Variants in CD2AP observed in about 807,000 individuals in gnomAD.
CD2AP encodes CD2-associated protein.
A neutral mutation model predicts 85.1 loss-of-function variants in CD2AP; 46 were observed. That is an observed-to-expected ratio of 0.54 (90% CI 0.43 to 0.69). The LOEUF is 0.69. Among genes scored for constraint, CD2AP ranks in the 30% least tolerant of loss-of-function variants. The pLI is 0.00. For missense variants in CD2AP, 769 were observed against 729.5 expected (o/e 1.05, Z -0.62); for synonymous variants, 255 against 252.9 (o/e 1.01, Z -0.08).
chr6:47,603,773 C>G (rs1028079951), intron 13 of CD2AP, among the ~76,000 whole-genome samples: 1 of 151,906 alleles, frequency 6.6e-6, no homozygotes. Flanking sequence ...TGTTTCCTAG[C>G]CTGTTTGCCA....
At chr6:47,478,329 G>A in intron 1 of CD2AP, 81 bp downstream of exon 1, 12 of 1,509,240 alleles carry the variant, frequency 8.0e-6, no homozygotes, top group Non-Finnish European at 1.1e-5. Context: ...GCCTTCTGGG[G>A]AGGCGACTGC....
At chr6:47,616,659 T>G (rs1769594773) in intron 17 of CD2AP, among the ~76,000 whole-genome samples, 1 of 152,254 alleles carries the variant, frequency 6.6e-6, no homozygotes, top group Non-Finnish European at 1.5e-5. Flanking sequence ...TAGGTCTAGC[T>G]GCCTTCTTGA....
intron 2 of CD2AP, among the ~76,000 whole-genome samples, chr6:47,529,318 C>T (rs1582519258): frequency 2.6e-5 from 4 of 151,972 alleles, no homozygotes; most frequent in Admixed American, 2.6e-4. Context: ...GCTGGGGCCA[C>T]TGTCTGTGGA....
intron 3 of CD2AP, 82 bp from the exon 4 acceptor site, chr6:47,544,524 G>A (rs928277139): frequency 1.1e-4 from 100 of 881,318 alleles, no homozygotes; most frequent in Admixed American, 2.1e-4. Flanking sequence ...TATAAGTCCT[G>A]TGACTAAACA....
intron 17 of CD2AP, among the ~76,000 whole-genome samples, chr6:47,623,260 T>C (rs773639381): frequency 1.5e-4 from 23 of 152,230 alleles, no homozygotes; most frequent in Non-Finnish European, 3.1e-4. Context: ...TAATGTGCTG[T>C]TTGTCGAAGC....
At chr6:47,535,065 G>A (rs925693907) in intron 3 of CD2AP, among the ~76,000 whole-genome samples, 16 of 152,092 alleles carry the variant, frequency 1.1e-4, no homozygotes, top group African/African-American at 3.6e-4. Context: ...CCAAAGTGCT[G>A]GAATTACAGA....
chr6:47,494,304 G>A (rs960176852), intron 1 of CD2AP, among the ~76,000 whole-genome samples: 7 of 152,066 alleles, frequency 4.6e-5, no homozygotes, highest in Non-Finnish European at 1.0e-4. Flanking sequence ...GCTTTCTTTG[G>A]GTTTCCCTAA....
At chr6:47,490,579 T>C (rs945819752) in intron 1 of CD2AP, among the ~76,000 whole-genome samples, 3 of 152,204 alleles carry the variant, frequency 2.0e-5, no homozygotes, top group Non-Finnish European at 4.4e-5. Context: ...GACAAGTGAT[T>C]AATCACATGT....
rs561008202 is a variant in CD2AP at position 47,624,335 on chromosome 6, T to C, written c.*108T>C. 2.4e-6 allele frequency: 2 copies of C among 840,514 alleles called. No individual in the cohort carries two copies. The highest frequency in any genetic ancestry group is 3.8e-5 in the Admixed American group (2 of 52,794). 52.1% of individuals were successfully genotyped at this position (840,514 alleles called of 1,614,324 possible). A position where few individuals can be genotyped will look rare whatever the true frequency, so the allele number is the denominator to read the frequency against. ...GTGAATTCTGTTGTTGTGATAAATATGAGCAAATGAAGTGTAATATCTATA... is the reference window on the plus strand; with the variant it reads ...GTGAATTCTGTTGTTGTGATAAATACGAGCAAATGAAGTGTAATATCTATA... On this transcript the variant is annotated 3_prime_UTR_variant, in exon 18 of 18. Coordinates refer to ENST00000359314, the MANE Select transcript of CD2AP (RefSeq NM_012120.3).
In CD2AP at chr6:47,610,971, A is replaced by ATATATATATATATATATATAT; in HGVS notation, c.1815-1501_1815-1500insATATATATATATATATATATT. Reference sequence around the variant, plus strand: ...GATTTATATATATATATATATATGTATTTTTTTTTTTTTTTGAATATAAAA... The same window carrying ATATATATATATATATATATAT: ...GATTTATATATATATATATATATGTATATATATATATATATATATATTTTTTTTTTTTTTTTGAATATAAAA... On this transcript the variant is annotated intron_variant, in intron 16 of 17. Coordinates refer to ENST00000359314, the MANE Select transcript of CD2AP (RefSeq NM_012120.3). Among the ~76,000 whole-genome samples the ATATATATATATATATATATAT allele has an allele frequency of 1.6e-3, 177 of 112,792 alleles. 2 individuals carry two copies. Among genetic ancestry groups the ATATATATATATATATATATAT allele is most frequent in the African/African-American group, 2.7e-3 (74 of 27,814 alleles). 74.0% of individuals were successfully genotyped at this position (112,792 alleles called of 152,430 possible).
At chr6:47,543,148 C>CAAAAAAAAAAAAAAAAAAAAAAAA (rs11338409) in intron 3 of CD2AP, among the ~76,000 whole-genome samples, 5 of 60,320 alleles carry the variant, frequency 8.3e-5, no homozygotes, top group African/African-American at 2.8e-4. Flanking sequence ...AAGACTGTCT[C>CAAAAAAAAAAAAAAAAAAAAAAAA]AAAAAAAAAA....
chr6:47,571,673 A>G (rs1156925296), intron 5 of CD2AP, among the ~76,000 whole-genome samples: 1 of 152,154 alleles, frequency 6.6e-6, no homozygotes, highest in African/African-American at 2.4e-5. Flanking sequence ...CAGAGACTGA[A>G]CATGAGCAGC....
chr6:47,580,018 T>C (rs1768430290), intron 9 of CD2AP: 1 of 158,732 alleles, frequency 6.3e-6, no homozygotes, highest in Non-Finnish European at 1.4e-5. Context: ...AGGAATATAA[T>C]AGAGTTTTTA....
At chr6:47,491,047 G>A (rs969777637) in intron 1 of CD2AP, among the ~76,000 whole-genome samples, 1 of 152,026 alleles carries the variant, frequency 6.6e-6, no homozygotes, top group Non-Finnish European at 1.5e-5. Flanking sequence ...TTTGACTAAT[G>A]GATCTGGTAC....
intron 2 of CD2AP, among the ~76,000 whole-genome samples, chr6:47,505,011 CTTTTTTTT>C (rs58060161): frequency 3.2e-5 from 3 of 95,114 alleles, no homozygotes; most frequent in African/African-American, 1.3e-4. Flanking sequence ...GTGGCAGTTT[CTTTTTTTT>C]TTTTTTTTTT....
At chr6:47,534,188 T>G (rs1766966262) in intron 3 of CD2AP, among the ~76,000 whole-genome samples, 1 of 152,194 alleles carries the variant, frequency 6.6e-6, no homozygotes, top group South Asian at 2.1e-4. Flanking sequence ...TGTAAGGATT[T>G]GGTACTGTGT....
At chr6:47,501,462 G>A (rs1765994441) in intron 1 of CD2AP, among the ~76,000 whole-genome samples, 1 of 152,192 alleles carries the variant, frequency 6.6e-6, no homozygotes, top group African/African-American at 2.4e-5. Flanking sequence ...TAGTGAATAT[G>A]TAACTCCCTG....
intron 3 of CD2AP, among the ~76,000 whole-genome samples, chr6:47,543,179 GAAAAAAGA>G (rs890061820): frequency 1.6e-5 from 2 of 127,284 alleles, no homozygotes; most frequent in African/African-American, 5.7e-5. Context: ...AAAAGAAAAA[GAAAAAAGA>G]AAAAAAAGAA....
chr6:47,600,200 A>G (rs1010894578), intron 13 of CD2AP, among the ~76,000 whole-genome samples: 23 of 151,458 alleles, frequency 1.5e-4, no homozygotes, highest in Non-Finnish European at 4.4e-5. Context: ...TTTTTTTCCT[A>G]TTTGGTGTCT....
Sources: allele counts gnomAD v4.1 joint callset (sites outside exome capture counted in the v4.1 genomes callset), GRCh38; gene constraint gnomAD v4.1.1; transcripts MANE v1.5; gene names NCBI Gene and HGNC (gene_info 2026-07-23, HGNC 2026-07-21).